LGALS8: variants seen among roughly 807,000 people sequenced by gnomAD.
LGALS8 encodes galectin 8.
A neutral mutation model predicts 35.9 loss-of-function variants in LGALS8; 30 were observed. That is an observed-to-expected ratio of 0.83 (90% CI 0.62 to 1.13). LGALS8 has a LOEUF of 1.13. Among genes scored for constraint, LGALS8 ranks in the 50% most tolerant of loss-of-function variants. The pLI is 0.00. For missense variants in LGALS8, 366 were observed against 388.7 expected, an observed-to-expected ratio of 0.94 and a Z score of 0.49; for synonymous variants, 138 against 136.1, an observed-to-expected ratio of 1.01 and a Z score of -0.10.
At position 236,543,580 on chromosome 1, in the gene LGALS8, G is replaced by A; in HGVS notation, c.570G>A (p.Arg190=). The part of the protein sequence containing the change: ...TPQLRLPFAA[R]LNTPMGPGRT... ...TTCAGAGGCTGCCATTCGCTGCAAG[G>A]TTGAACACCCCCATGGGCCCTGGAC... is the stretch of plus-strand genomic sequence containing the variant. The change falls in exon 8 of 10, where the codon AGG becomes AGA. Residue 190 remains arginine (R), a synonymous_variant. Transcript: ENST00000366584. The A allele has an allele frequency of 6.2e-7, 1 of 1,614,064 alleles. No homozygotes were observed. Among genetic ancestry groups the A allele is most frequent in the Non-Finnish European group, 8.5e-7 (1 of 1,179,954 alleles).
At position 236,538,750 on chromosome 1, in the gene LGALS8, A is replaced by C. The variant is rs1246337066; in HGVS notation, c.135-129A>C. ...TTAGACAGTCAGCTCTTTAGGCCTC[A>C]TAGTGAATGAATGAGGAGGGATTGG... On this transcript the variant is annotated intron_variant, in intron 3 of 9. Transcript: ENST00000366584. 1.0e-5 allele frequency: 7 copies of C among 682,710 alleles called. No individual in the cohort carries two copies. The South Asian group carries it at 1.2e-4, about 12-fold the overall frequency. The allele number at this position is 682,710 out of a possible 1,614,324, so 42.3% of individuals were successfully genotyped here. A position where few individuals can be genotyped will look rare whatever the true frequency, so the allele number is the denominator to read the frequency against.
intron 7 of LGALS8, chr1:236,542,992 TCA>T: frequency 1.9e-6 from 3 of 1,614,174 alleles, no homozygotes; most frequent in Non-Finnish European, 2.5e-6. Context: ...CGACTGTCAA[TCA>T]CACTTTGACT....
chr1:236,551,295 G>A lies in LGALS8; in HGVS notation c.*3134G>A. 2.9e-6 allele frequency: 1 copy of A among 339,716 alleles called. No homozygotes were observed. Among genetic ancestry groups the A allele is most frequent in the Non-Finnish European group, 5.4e-6 (1 of 186,070 alleles). The allele number at this position is 339,716 out of a possible 1,614,324, so 21.0% of individuals were successfully genotyped here. A position where few individuals can be genotyped will look rare whatever the true frequency, so the allele number is the denominator to read the frequency against. On this transcript the variant is annotated 3_prime_UTR_variant, in exon 10 of 10. Transcript: ENST00000366584. ...CCCCCTCCAAGAGCTAAGAAACAAA[G>A]GAGAATGTACTTTTGTAGCTTAGAT...
chr1:236,534,583 C>A, intron 2 of LGALS8, among the ~76,000 whole-genome samples: 1 of 150,706 alleles, frequency 6.6e-6, no homozygotes, highest in Non-Finnish European at 1.5e-5. Flanking sequence ...GAGTCAGCGG[C>A]AGGGCACTGT....
rs895370071 is a variant in LGALS8 at position 236,542,773 on chromosome 1, G to A, written c.535G>A (p.Gly179Ser). Reference protein sequence around the residue: ...EISRENVPKSGTPQLRLPFAA... With the variant: ...EISRENVPKSSTPQLRLPFAA... Reference sequence around the variant, plus strand: ...TCTTTTCCAATAGGTTCCAAAGTCTGGCACGCCCCAGCTTGTGAGTATTTT... The same window carrying A: ...TCTTTTCCAATAGGTTCCAAAGTCTAGCACGCCCCAGCTTGTGAGTATTTT... The change falls in exon 7 of 10, where the codon GGC (glycine) becomes AGC (serine). Residue 179 changes from glycine to serine, a missense_variant. Physicochemically the swap from Gly to Ser is moderately conservative, Grantham distance 56 (BLOSUM62 0). Coordinates refer to ENST00000366584, the MANE Select transcript of LGALS8 (RefSeq NM_201544.4). 1.2e-6 allele frequency: 2 copies of A among 1,614,032 alleles called. No individual in the cohort carries two copies. The highest frequency in any genetic ancestry group is 1.3e-5 in the African/African-American group (1 of 74,918).
chr1:236,542,452 T>G (rs1326178553), intron 6 of LGALS8: 2 of 386,190 alleles, frequency 5.2e-6, no homozygotes, highest in Admixed American at 4.1e-5. Context: ...TGCATCCCAG[T>G]GTGGATGACA....
intron 1 of LGALS8, 74 bp downstream of exon 1, chr1:236,524,135 G>C: frequency 4.4e-6 from 2 of 456,654 alleles, no homozygotes; most frequent in African/African-American, 2.0e-5. Context: ...GGTCTCGCCA[G>C]TGGAGGATGG....
In LGALS8 at chr1:236,538,909, C is replaced by T. The variant is rs1041936; in HGVS notation, c.165C>T (p.Ser55=). 963,033 of 1,610,644 alleles carry T rather than the reference C, an allele frequency of 0.6. 295,219 individuals carry two copies. Among genetic ancestry groups the T allele is most frequent in the Non-Finnish European group, 0.64 (751,490 of 1,178,038 alleles). ...RFQVDLQNGS[S]MKPRADVAFH... is the part of the protein sequence containing the mutation. Reference sequence around the variant, plus strand: ...AGGTGGATCTGCAGAATGGCAGCAGCATGAAACCTCGAGCCGATGTGGCCT... The same window carrying T: ...AGGTGGATCTGCAGAATGGCAGCAGTATGAAACCTCGAGCCGATGTGGCCT... The change falls in exon 4 of 10, where the codon AGC becomes AGT. Residue 55 remains serine (S), a synonymous_variant. Transcript: ENST00000366584.
chr1:236,528,229 A>G (rs1660929573), intron 2 of LGALS8, among the ~76,000 whole-genome samples: 1 of 151,882 alleles, frequency 6.6e-6, no homozygotes, highest in Non-Finnish European at 1.5e-5. Context: ...TAAAAATACA[A>G]AAATTAGCCA....
At chr1:236,533,637 ATT>A (rs57058408) in intron 2 of LGALS8, among the ~76,000 whole-genome samples, 57,810 of 146,978 alleles carry the variant, frequency 0.39, 11,799 homozygotes, top group South Asian at 0.55. Context: ...CCTGACCCCC[ATT>A]TTTTTTTTTT....
intron 8 of LGALS8, 132 bp from the exon 9 acceptor site, chr1:236,544,618 T>C (rs780724108): frequency 2.1e-5 from 12 of 563,068 alleles, no homozygotes; most frequent in Non-Finnish European, 3.5e-5. Context: ...TGCATTCCCA[T>C]GTCCATGTGG....
chr1:236,527,928 G>GT (rs1423796249), intron 2 of LGALS8, among the ~76,000 whole-genome samples: 11 of 151,932 alleles, frequency 7.2e-5, no homozygotes, highest in African/African-American at 2.7e-4. Flanking sequence ...TAGATATGGG[G>GT]TTTCACAGTG....
rs549366926 is a variant in LGALS8, at chr1:236,537,453, ATTTT to A, written c.46-43_46-40del. The stretch of plus-strand genomic sequence containing the variant: ...GTGGGTTGTAATTGCTTAGTAAGTA[ATTTT>A]GTTTATGTAAACGTACATTTGTTAA... On this transcript the variant is annotated intron_variant, in intron 2 of 9. Transcript: ENST00000366584. 5.7e-4 allele frequency: 704 copies of A among 1,235,158 alleles called. 2 individuals are homozygous for A. The African/African-American group carries it at 8.0e-3, about 14-fold the overall frequency. The allele number at this position is 1,235,158 out of a possible 1,614,324, so 76.5% of individuals were successfully genotyped here. A position where few individuals can be genotyped will look rare whatever the true frequency, so the allele number is the denominator to read the frequency against.
intron 1 of LGALS8, 75 bp downstream of exon 1, chr1:236,524,136 T>G: frequency 2.2e-6 from 1 of 456,498 alleles, no homozygotes. Flanking sequence ...GTCTCGCCAG[T>G]GGAGGATGGC....
intron 9 of LGALS8, among the ~76,000 whole-genome samples, chr1:236,546,547 T>TCCTC (rs3831342): frequency 0.7 from 106,266 of 151,788 alleles, 37,415 homozygotes; most frequent in Non-Finnish European, 0.72. Flanking sequence ...AAATCCGTGT[T>TCCTC]CCAGCTGTTC....
chr1:236,532,997 C>T (rs190347445), intron 2 of LGALS8, among the ~76,000 whole-genome samples: 3 of 152,328 alleles, frequency 2.0e-5, no homozygotes, highest in Admixed American at 6.5e-5. Flanking sequence ...GTGTCCTTAT[C>T]GTTTCACGCC....
intron 9 of LGALS8, among the ~76,000 whole-genome samples, chr1:236,547,759 C>T (rs1251682335): frequency 3.3e-5 from 5 of 152,090 alleles, no homozygotes; most frequent in Admixed American, 2.0e-4. Context: ...AAAGGAGGGC[C>T]GCAGGCCCTG....
Position 236,552,480 on chromosome 1 carries a change from A to G in LGALS8, c.*4319A>G, listed in dbSNP as rs1662796711. The G allele has an allele frequency of 6.1e-6, 1 of 163,030 alleles. No homozygotes were observed. Among genetic ancestry groups the G allele is most frequent in the Non-Finnish European group, 1.3e-5 (1 of 75,598 alleles). The allele number at this position is 163,030 out of a possible 1,614,324, so 10.1% of individuals were successfully genotyped here. On this transcript the variant is annotated 3_prime_UTR_variant, in exon 10 of 10. Coordinates refer to ENST00000366584, the MANE Select transcript of LGALS8 (RefSeq NM_201544.4). ...CGCCAGCCCGCCAGGCTGGCAATAAAGTGCCTCCAGCCACCTCTGGCAGGT... is the reference window on the plus strand; with the variant it reads ...CGCCAGCCCGCCAGGCTGGCAATAAGGTGCCTCCAGCCACCTCTGGCAGGT...
intron 5 of LGALS8, 104 bp downstream of exon 5, chr1:236,540,787 T>C: frequency 1.7e-6 from 2 of 1,168,984 alleles, no homozygotes; most frequent in Non-Finnish European, 2.4e-6. Context: ...AAAGGACGTA[T>C]CTCCCTGACT....
Sources: gnomAD v4.1 joint callset for allele counts (sites outside exome capture counted in the v4.1 genomes callset) on GRCh38, gnomAD v4.1.1 for gene constraint, MANE v1.5 for transcripts, NCBI Gene and HGNC (gene_info 2026-07-23, HGNC 2026-07-21) for gene names.